Variants in LRRD1 observed in about 807,000 individuals in gnomAD.
LRRD1 encodes the protein leucine-rich repeat and death domain-containing protein 1.
In LRRD1, 49 loss-of-function variants were observed where a neutral mutation model predicts 69.5. That is an observed-to-expected ratio of 0.70 (90% confidence interval 0.56 to 0.89). LRRD1 has a LOEUF of 0.89. Among genes scored for constraint, LRRD1 ranks in the 40% least tolerant of loss-of-function variants. The pLI, the probability that LRRD1 is intolerant of heterozygous loss-of-function variation, is 0.00. For synonymous variants in LRRD1, 303 were observed against 338.9 expected, an observed-to-expected ratio of 0.89 and a Z score of 1.16; for missense variants, 853 against 956.0, an observed-to-expected ratio of 0.89 and a Z score of 1.42.
intron 1 of LRRD1, among the ~76,000 whole-genome samples, chr7:92,178,464 A>C (rs557561513): frequency 1.3e-5 from 2 of 152,230 alleles, no homozygotes; most frequent in South Asian, 4.1e-4. Context: ...TGAGGTCAGG[A>C]GTTCGAGACC....
intron 3 of LRRD1, among the ~76,000 whole-genome samples, chr7:92,158,363 A>G (rs1788711368): frequency 1.3e-5 from 2 of 152,092 alleles, no homozygotes; most frequent in African/African-American, 4.8e-5. Flanking sequence ...CTCAAAATAA[A>G]TAAATAAATA....
intron 1 of LRRD1, among the ~76,000 whole-genome samples, chr7:92,173,892 C>A (rs1377766497): frequency 6.6e-6 from 1 of 152,070 alleles, no homozygotes; most frequent in Non-Finnish European, 1.5e-5. Flanking sequence ...TTTATTGCAG[C>A]ACTGTTCACA....
At chr7:92,170,143 C>CGGAA (rs1042235399) in intron 1 of LRRD1, among the ~76,000 whole-genome samples, 2 of 124,628 alleles carry the variant, frequency 1.6e-5, no homozygotes, top group Non-Finnish European at 3.4e-5. Context: ...GAAGGAAGGA[C>CGGAA]GGAAGGAAGG....
chr7:92,166,787 G>A (rs1013659231), intron 1 of LRRD1, among the ~76,000 whole-genome samples: 3 of 152,102 alleles, frequency 2.0e-5, no homozygotes, highest in African/African-American at 7.2e-5. Flanking sequence ...ATCTGCTAAA[G>A]GGTACCCATA....
intron 1 of LRRD1, among the ~76,000 whole-genome samples, chr7:92,170,809 T>G (rs1563194729): frequency 6.6e-6 from 1 of 152,126 alleles, no homozygotes; most frequent in Non-Finnish European, 1.5e-5. Context: ...ACAAAACTGG[T>G]CTCAACAAAT....
At chr7:92,178,270 G>A (rs1382101166) in intron 1 of LRRD1, among the ~76,000 whole-genome samples, 1 of 151,496 alleles carries the variant, frequency 6.6e-6, no homozygotes, top group African/African-American at 2.4e-5. Context: ...CCGAGATCAC[G>A]CCATTGCACT....
At chr7:92,178,227 C>T (rs1416702534) in intron 1 of LRRD1, among the ~76,000 whole-genome samples, 2 of 151,690 alleles carry the variant, frequency 1.3e-5, no homozygotes, top group Non-Finnish European at 1.5e-5. Context: ...GCAGGAGAAT[C>T]GCTTGAACCC....
At chr7:92,167,543 TA>T (rs888817644) in intron 1 of LRRD1, among the ~76,000 whole-genome samples, 5 of 151,660 alleles carry the variant, frequency 3.3e-5, no homozygotes, top group African/African-American at 1.2e-4. Flanking sequence ...TAATCTGAGT[TA>T]AAATGTTCTA....
At chr7:92,157,382 A>T (rs924062808) in intron 3 of LRRD1, among the ~76,000 whole-genome samples, 7 of 151,958 alleles carry the variant, frequency 4.6e-5, no homozygotes, top group Non-Finnish European at 8.8e-5. Context: ...TTCATTAAGG[A>T]ATTTTGCATC....
chr7:92,176,779 T>C (rs1789207509), intron 1 of LRRD1, among the ~76,000 whole-genome samples: 1 of 151,896 alleles, frequency 6.6e-6, no homozygotes, highest in Non-Finnish European at 1.5e-5. Context: ...GTCAGGCTGG[T>C]CTCGAACTCC....
chr7:92,148,261 A>G (rs1468077830), intron 4 of LRRD1, among the ~76,000 whole-genome samples: 1 of 151,992 alleles, frequency 6.6e-6, no homozygotes, highest in Non-Finnish European at 1.5e-5. Flanking sequence ...CCGAGAAGCA[A>G]TAGTCTCACT....
In LRRD1 at chr7:92,150,709, A is replaced by C; in HGVS notation, c.2117-14T>G. The C allele has an allele frequency of 6.7e-7, 1 of 1,502,072 alleles. No homozygotes were observed. Among genetic ancestry groups the C allele is most frequent in the Non-Finnish European group, 9.0e-7 (1 of 1,110,844 alleles). 93.0% of individuals were successfully genotyped at this position (1,502,072 alleles called of 1,614,324 possible). On this transcript the variant is annotated splice_polypyrimidine_tract_variant and intron_variant, in intron 3 of 5. Coordinates refer to ENST00000458448, the MANE Select transcript of LRRD1 (RefSeq NM_001161528.2). ...TCAGATTATTTCCTAGTAGAAAAAA[A>C]TTAGAATTGAATTACATCTTTCTAT...
chr7:92,142,977 CT>C, downstream of LRRD1: 1 of 256,184 alleles, frequency 3.9e-6, no homozygotes, highest in Non-Finnish European at 7.8e-6. Flanking sequence ...AGGCAGCCTG[CT>C]TTTATTCTCT....
At chr7:92,170,193 C>A (rs1789022298) in intron 1 of LRRD1, among the ~76,000 whole-genome samples, 1 of 150,654 alleles carries the variant, frequency 6.6e-6, no homozygotes, top group Non-Finnish European at 1.5e-5. Flanking sequence ...GAAGAAAGTA[C>A]TCAAAAAAAG....
intron 4 of LRRD1, among the ~76,000 whole-genome samples, chr7:92,150,251 C>T (rs1820432941): frequency 6.6e-6 from 1 of 152,094 alleles, no homozygotes; most frequent in South Asian, 2.1e-4. Flanking sequence ...ATTGCTTGAG[C>T]TCGGGAGTTC....
chr7:92,164,618 C>A lies in LRRD1; in HGVS notation c.585G>T (p.Leu195=), dbSNP rs1207678528. Residue 195 remains leucine, a synonymous_variant, in exon 2 of 6, where the codon CTG becomes CTT. Transcript: ENST00000458448. ...GDLLGLEILS[L]QENGLSSLPS... ...GAAGTGATGATAATCCATTTTCTTG[C>A]AGGGATAGAATTTCAAGTCCTAACA... The A allele has an allele frequency of 7.1e-6, 11 of 1,551,580 alleles. No homozygotes were observed. Among genetic ancestry groups the A allele is most frequent in the Non-Finnish European group, 9.6e-6 (11 of 1,146,876 alleles).
intron 1 of LRRD1, among the ~76,000 whole-genome samples, chr7:92,175,483 A>G (rs1268396634): frequency 6.6e-6 from 1 of 152,116 alleles, no homozygotes; most frequent in Non-Finnish European, 1.5e-5. Context: ...CTCTGTCTCC[A>G]CTAAAAATGC....
intron 2 of LRRD1, among the ~76,000 whole-genome samples, chr7:92,160,690 G>A (rs186028108): frequency 1.4e-4 from 22 of 152,242 alleles, no homozygotes; most frequent in African/African-American, 5.1e-4. Context: ...GTGAGTGCCT[G>A]TAATCCCAGC....
downstream of LRRD1, chr7:92,142,384 C>G (rs560217450): frequency 3.4e-5 from 15 of 447,016 alleles, no homozygotes; most frequent in Admixed American, 1.5e-4. Flanking sequence ...AAGGTTCTGT[C>G]TCTCTCTTGG....
Sources: gnomAD v4.1 joint callset for allele counts (sites outside exome capture counted in the v4.1 genomes callset) on GRCh38, gnomAD v4.1.1 for gene constraint, MANE v1.5 for transcripts, NCBI Gene and HGNC (gene_info 2026-07-23, HGNC 2026-07-21) for gene names.